Variants in CENPX observed in about 807,000 individuals in gnomAD.
CENPX encodes FANCM associated histone fold protein 2.
A neutral mutation model predicts 13.2 loss-of-function variants in CENPX; 13 were observed. The observed-to-expected ratio is 0.98, with a 90% CI of 0.64 to 1.56. The LOEUF (loss-of-function observed/expected upper bound fraction) is 1.56, where lower values mean the gene tolerates loss of function less well. CENPX is among the 40% of genes most tolerant of loss of function. The pLI, the probability that CENPX is intolerant of heterozygous loss-of-function variation, is 0.00. For missense variants in CENPX, 138 were observed against 107.5 expected, an observed-to-expected ratio of 1.28 and a Z score of -1.26; for synonymous variants, 66 against 47.2, an observed-to-expected ratio of 1.40 and a Z score of -1.63.
At chr17:82,022,219 C>T in intron 1 of CENPX, among the ~76,000 whole-genome samples, 1 of 152,224 alleles carries the variant, frequency 6.6e-6, no homozygotes, top group Non-Finnish European at 1.5e-5. Context: ...CGGATCCTGG[C>T]TCAGACGGCC....
chr17:82,019,943 G>A (rs754246420), intron 1 of CENPX, 34 bp from the exon 2 acceptor site: 25 of 1,256,762 alleles, frequency 2.0e-5, no homozygotes, highest in Admixed American at 4.3e-5. Flanking sequence ...GCCACGCCCC[G>A]CCCTCCCCCC....
chr17:82,019,961 C>T (rs1418626613), intron 1 of CENPX, 52 bp from the exon 2 acceptor site: 2 of 1,484,012 alleles, frequency 1.3e-6, no homozygotes, highest in Non-Finnish European at 9.0e-7. Context: ...CCCCGCACCC[C>T]CCAGGGTGGT....
intron 1 of CENPX, 132 bp from the exon 2 acceptor site, chr17:82,020,041 C>T: frequency 2.2e-6 from 2 of 899,362 alleles, no homozygotes; most frequent in South Asian, 3.5e-5. Context: ...TCTCCCAGGG[C>T]AGGGGACAAG....
rs2043228676 is a variant in CENPX at position 82,019,278 on chromosome 17, C to T, written c.231+15G>A. On this transcript the variant is annotated intron_variant, in intron 4 of 4. Transcript: ENST00000392359. The stretch of plus-strand genomic sequence containing the variant: ...CCGGGCACCCCCACTTGCGCCCCGA[C>T]CCACGCTCACGCACCAGCTGCGGAA... The T allele has an allele frequency of 6.3e-7, 1 of 1,597,500 alleles. No individual in the cohort carries two copies. Among genetic ancestry groups the T allele is most frequent in the East Asian group, 2.3e-5 (1 of 44,310 alleles).
chr17:82,021,302 G>A (rs902955179), intron 1 of CENPX, among the ~76,000 whole-genome samples: 10 of 152,228 alleles, frequency 6.6e-5, no homozygotes, highest in Non-Finnish European at 1.3e-4. Flanking sequence ...CCACCCGCAT[G>A]AGCCCAGTGC....
Position 82,019,334 on chromosome 17 carries a change from G to A in CENPX, c.190C>T (p.Arg64Cys), listed in dbSNP as rs752195089. Residue 64 changes from arginine (R) to cysteine (C), a missense_variant, in exon 4 of 5, where the codon CGT (arginine) becomes TGT (cysteine). By Grantham distance (180) the Arg-to-Cys change is radical (BLOSUM62 -3). Coordinates refer to ENST00000392359, the MANE Select transcript of CENPX (RefSeq NM_001271006.2). ...TTCTCCAGCTGGTCCACGTCCACAC[G>A]GAGCGCGTCTTCTGCCTGGGCCTGC... ...VRQAQAEDAL[R>C]VDVDQLEKVL... 15 of 1,581,694 alleles carry A rather than the reference G, an allele frequency of 9.5e-6. No homozygotes were observed. Among genetic ancestry groups the A allele is most frequent in the South Asian group, 4.6e-5 (4 of 86,954 alleles).
chr17:82,021,142 G>C (rs1025703575), intron 1 of CENPX, among the ~76,000 whole-genome samples: 1 of 152,238 alleles, frequency 6.6e-6, no homozygotes, highest in African/African-American at 2.4e-5. Flanking sequence ...AGTCCAGCAG[G>C]TGACAAGCAG....
Position 82,019,463 on chromosome 17 carries a change from G to GC in CENPX, c.143-83dup, listed in dbSNP as rs398031769. 7.9e-3 allele frequency: 11,986 copies of GC among 1,508,030 alleles called. 116 individuals are homozygous for GC. Among genetic ancestry groups the GC allele is most frequent in the Middle Eastern group, 0.026 (152 of 5,806 alleles). The allele number at this position is 1,508,030 out of a possible 1,614,324, so 93.4% of individuals were successfully genotyped here. A position where few individuals can be genotyped will look rare whatever the true frequency, so the allele number is the denominator to read the frequency against. The stretch of plus-strand genomic sequence containing the variant: ...AGTGAGGGCCTCAGCCTGGGCCGGT[G>GC]CCCCCCCCAACACCCACGGGCAGCC... On this transcript the variant is annotated intron_variant, in intron 3 of 4. Transcript: ENST00000392359.
chr17:82,019,398 G>T lies in CENPX; in HGVS notation c.143-17C>A, dbSNP rs1419833540. The T allele has an allele frequency of 1.3e-6, 2 of 1,538,682 alleles. No homozygotes were observed. Among genetic ancestry groups the T allele is most frequent in the Non-Finnish European group, 1.7e-6 (2 of 1,144,770 alleles). On this transcript the variant is annotated splice_polypyrimidine_tract_variant and intron_variant, in intron 3 of 4. Coordinates refer to ENST00000392359, the MANE Select transcript of CENPX (RefSeq NM_001271006.2). ...CTGCTGCTTCTGCGGTGAGAAACGC[G>T]AGAGGTGGGGGATGCTGGGGGGATC...
At chr17:82,020,746 C>T (rs911803554) in intron 1 of CENPX, among the ~76,000 whole-genome samples, 1 of 152,188 alleles carries the variant, frequency 6.6e-6, no homozygotes, top group Admixed American at 6.5e-5. Context: ...GAGGAGTCTA[C>T]GCCAAGACCC....
intron 1 of CENPX, among the ~76,000 whole-genome samples, chr17:82,020,725 C>T (rs58975651): frequency 1.3e-5 from 2 of 152,158 alleles, no homozygotes; most frequent in East Asian, 1.9e-4. Flanking sequence ...GGATGGAGGA[C>T]GGGGACAAGG....
chr17:82,019,834 TCCC>T, intron 2 of CENPX, 21 bp downstream of exon 2: 1 of 1,207,742 alleles, frequency 8.3e-7, no homozygotes, highest in Non-Finnish European at 1.2e-6. Context: ...GGGACCCACC[TCCC>T]GCCCGCACCC....
At chr17:82,019,934 C>G in intron 1 of CENPX, 25 bp from the exon 2 acceptor site, 1 of 1,546,720 alleles carries the variant, frequency 6.5e-7, no homozygotes. Flanking sequence ...GGTGTCAGCG[C>G]CACGCCCCGC....
intron 1 of CENPX, among the ~76,000 whole-genome samples, chr17:82,020,178 G>C (rs1260781248): frequency 6.6e-6 from 1 of 152,196 alleles, no homozygotes; most frequent in Admixed American, 6.5e-5. Flanking sequence ...TCGCAGACAC[G>C]GGAGCAGGCC....
intron 1 of CENPX, among the ~76,000 whole-genome samples, chr17:82,021,287 A>G (rs902028351): frequency 8.5e-5 from 13 of 152,170 alleles, no homozygotes; most frequent in Admixed American, 5.2e-4. Context: ...CCAGGGTCCC[A>G]GTCACCACCC....
chr17:82,021,043 G>A (rs896721253), intron 1 of CENPX, among the ~76,000 whole-genome samples: 12 of 152,362 alleles, frequency 7.9e-5, no homozygotes, highest in African/African-American at 2.9e-4. Context: ...CAGGAGCCCA[G>A]AAACAGGCCA....
intron 1 of CENPX, 144 bp downstream of exon 1, chr17:82,022,682 C>G (rs1207149551): frequency 1.0e-6 from 1 of 982,706 alleles, no homozygotes; most frequent in Non-Finnish European, 1.5e-6. Flanking sequence ...GCGCGCGGCC[C>G]GGCCGGAGAT....
chr17:82,019,805 G>A, intron 2 of CENPX, 53 bp downstream of exon 2: 1 of 1,584,352 alleles, frequency 6.3e-7, no homozygotes. Context: ...GCAGGAAAGG[G>A]TCCCTGAGGA....
At chr17:82,019,810 T>C (rs1321068965) in intron 2 of CENPX, 48 bp downstream of exon 2, 2 of 1,589,028 alleles carry the variant, frequency 1.3e-6, no homozygotes, top group South Asian at 2.3e-5. Context: ...AAAGGGTCCC[T>C]GAGGACAGAC....
Sources: gnomAD v4.1 joint callset for allele counts (sites outside exome capture counted in the v4.1 genomes callset) on GRCh38, gnomAD v4.1.1 for gene constraint, MANE v1.5 for transcripts, NCBI Gene and HGNC (gene_info 2026-07-23, HGNC 2026-07-21) for gene names.